Variants in CDH12 observed in about 807,000 individuals in gnomAD.
CDH12 encodes cadherin-12.
In CDH12, 41 loss-of-function variants were observed where a neutral mutation model predicts 74.1. That is an observed-to-expected ratio of 0.55 (90% CI 0.43 to 0.72). The LOEUF is 0.72. Ranked by LOEUF, CDH12 falls within the 30% of genes least tolerant of loss-of-function variation. The probability of loss-of-function intolerance (pLI) is 0.00; values close to 1 mark genes in which losing one functional copy is unlikely to be tolerated. For missense variants in CDH12, 945 were observed against 977.2 expected, an observed-to-expected ratio of 0.97 and a Z score of 0.44; for synonymous variants, 399 against 355.0, an observed-to-expected ratio of 1.12 and a Z score of -1.39.
chr5:22,123,939 A>C (rs1451242738), intron 4 of CDH12, among the ~76,000 whole-genome samples: 1 of 151,666 alleles, frequency 6.6e-6, no homozygotes, highest in Non-Finnish European at 1.5e-5. Context: ...TTTTTAAAAA[A>C]GTTTTGTAAT....
intron 5 of CDH12, among the ~76,000 whole-genome samples, chr5:22,009,593 C>A (rs1737168763): frequency 6.6e-6 from 1 of 152,124 alleles, no homozygotes; most frequent in Non-Finnish European, 1.5e-5. Context: ...TAAGAATTTA[C>A]TTTACATTAA....
chr5:22,784,452 T>C (rs752056492), intron 1 of CDH12, among the ~76,000 whole-genome samples: 40 of 152,276 alleles, frequency 2.6e-4, no homozygotes, highest in Non-Finnish European at 4.4e-4. Context: ...CCTTGGACAA[T>C]GACTCATCTT....
In CDH12 at chr5:22,212,556, G is replaced by A; in HGVS notation, c.-245C>T. ...AAATCCGTCAAATCAACCGTGAATG[G>A]GGTGGGGAGATCGAAGTTTTCAATC... On this transcript the variant is annotated 5_prime_UTR_variant, in exon 4 of 15. Transcript: ENST00000382254. The A allele has an allele frequency of 1.0e-6, 1 of 985,538 alleles. No individual in the cohort carries two copies. Among genetic ancestry groups the A allele is most frequent in the Non-Finnish European group, 1.2e-6 (1 of 829,700 alleles). The allele number at this position is 985,538 out of a possible 1,614,324, so 61.0% of individuals were successfully genotyped here.
At chr5:22,481,675 A>C (rs1404699314) in intron 2 of CDH12, among the ~76,000 whole-genome samples, 1 of 152,204 alleles carries the variant, frequency 6.6e-6, no homozygotes, top group Non-Finnish European at 1.5e-5. Flanking sequence ...GAGTAGAATG[A>C]TAGTTGCCAG....
Position 22,845,172 on chromosome 5 carries a change from G to A in CDH12, c.-523+7886C>T, listed in dbSNP as rs1039908625. 7.2e-5 allele frequency among the ~76,000 whole-genome samples: 11 copies of A among 152,062 alleles called. No individual in the cohort carries two copies. The East Asian group carries it at 9.6e-4, about 13-fold the overall frequency. On this transcript the variant is annotated intron_variant, in intron 1 of 14. Transcript: ENST00000382254. The stretch of plus-strand genomic sequence containing the variant: ...CTTAAGTTGCAAAAACTTGTTTTTT[G>A]TAGAAGGACACTCACATTGTGTTTA...
At chr5:22,458,540 G>A (rs949372155) in intron 2 of CDH12, among the ~76,000 whole-genome samples, 1 of 152,134 alleles carries the variant, frequency 6.6e-6, no homozygotes, top group Non-Finnish European at 1.5e-5. Context: ...TTCTTTGAAT[G>A]TACCATACAT....
At chr5:21,786,388 G>A (rs761987285) in intron 10 of CDH12, among the ~76,000 whole-genome samples, 9 of 151,970 alleles carry the variant, frequency 5.9e-5, no homozygotes, top group African/African-American at 1.2e-4. Context: ...TCAAGACCTC[G>A]TGAGTAGCCC....
At chr5:21,817,423 T>C (rs951018833) in intron 8 of CDH12, among the ~76,000 whole-genome samples, 1 of 152,078 alleles carries the variant, frequency 6.6e-6, no homozygotes, top group Non-Finnish European at 1.5e-5. Flanking sequence ...GGCATAAAAG[T>C]GTACCACATA....
chr5:22,059,067 T>A (rs1740970019), intron 5 of CDH12, among the ~76,000 whole-genome samples: 1 of 152,232 alleles, frequency 6.6e-6, no homozygotes, highest in South Asian at 2.1e-4. Context: ...TAGACAGCTA[T>A]GAAGCTAAGG....
At chr5:21,816,121 T>C (rs906151771) in intron 9 of CDH12, among the ~76,000 whole-genome samples, 5 of 152,070 alleles carry the variant, frequency 3.3e-5, no homozygotes, top group African/African-American at 1.2e-4. Context: ...GGGCCACTTA[T>C]ATGTGGATTT....
chr5:22,701,524 T>C (rs991105757), intron 1 of CDH12, among the ~76,000 whole-genome samples: 12 of 152,180 alleles, frequency 7.9e-5, no homozygotes, highest in African/African-American at 2.9e-4. Flanking sequence ...TAAGCTGGTT[T>C]TGCCCATCTT....
At chr5:22,173,373 TAC>T (rs939209200) in intron 4 of CDH12, among the ~76,000 whole-genome samples, 29 of 144,984 alleles carry the variant, frequency 2.0e-4, no homozygotes, top group African/African-American at 6.6e-4. Flanking sequence ...TTATAATACA[TAC>T]ACTTTTATAT....
At chr5:22,287,160 A>G (rs963630834) in intron 3 of CDH12, among the ~76,000 whole-genome samples, 1 of 152,228 alleles carries the variant, frequency 6.6e-6, no homozygotes, top group Admixed American at 6.5e-5. Flanking sequence ...AGCAACATAC[A>G]TAAGACACAA....
At chr5:22,190,142 G>A (rs1415473053) in intron 4 of CDH12, among the ~76,000 whole-genome samples, 4 of 152,282 alleles carry the variant, frequency 2.6e-5, no homozygotes, top group South Asian at 4.2e-4. Context: ...GATCATGTCT[G>A]GGGTGATGAC....
At position 21,883,379 on chromosome 5, in the gene CDH12, T is replaced by C. The variant is rs529382019; in HGVS notation, c.527-28589A>G. On this transcript the variant is annotated intron_variant, in intron 6 of 14. Coordinates refer to ENST00000382254, the MANE Select transcript of CDH12 (RefSeq NM_004061.5). ...AGTCCATTGTACCTGCTCTTGAAATTGCCAATGCTCACCATAAGCCTTTGG... is the reference window on the plus strand; with the variant it reads ...AGTCCATTGTACCTGCTCTTGAAATCGCCAATGCTCACCATAAGCCTTTGG... 20 of 1,543,958 alleles carry C rather than the reference T, an allele frequency of 1.3e-5. No homozygotes were observed. The African/African-American group carries it at 2.6e-4, about 20-fold the overall frequency.
At chr5:22,087,064 G>C (rs1373755134) in intron 4 of CDH12, among the ~76,000 whole-genome samples, 2 of 152,068 alleles carry the variant, frequency 1.3e-5, no homozygotes, top group Non-Finnish European at 2.9e-5. Context: ...CTGAGAAACT[G>C]TCAAAGCCAA....
chr5:21,931,141 C>T (rs1394059355), intron 6 of CDH12, among the ~76,000 whole-genome samples: 2 of 152,112 alleles, frequency 1.3e-5, no homozygotes, highest in African/African-American at 4.8e-5. Context: ...GAGCCTCTAT[C>T]TTTATTGCTA....
intron 2 of CDH12, among the ~76,000 whole-genome samples, chr5:22,475,544 A>G (rs917199847): frequency 6.6e-6 from 1 of 152,042 alleles, no homozygotes; most frequent in African/African-American, 2.4e-5. Context: ...CAATAAGAAT[A>G]TAGTTTCTAT....
intron 1 of CDH12, among the ~76,000 whole-genome samples, chr5:22,565,006 G>A (rs1367190347): frequency 1.3e-5 from 2 of 151,904 alleles, no homozygotes; most frequent in Non-Finnish European, 2.9e-5. Context: ...GAGCAATCTC[G>A]GGTCACTGCA....
Sources: gnomAD v4.1 joint callset for allele counts (sites outside exome capture counted in the v4.1 genomes callset) on GRCh38, gnomAD v4.1.1 for gene constraint, MANE v1.5 for transcripts, NCBI Gene and HGNC (gene_info 2026-07-23, HGNC 2026-07-21) for gene names.